Variants in TCF4 observed in about 807,000 individuals in gnomAD.
TCF4 encodes SL3-3 enhancer factor 2.
A neutral mutation model predicts 82.1 loss-of-function variants in TCF4; 3 were observed. That is an observed-to-expected ratio of 0.04 (90% CI 0.02 to 0.09). The LOEUF (loss-of-function observed/expected upper bound fraction) is 0.09, where lower values mean the gene tolerates loss of function less well. TCF4 is among the 10% of genes least tolerant of loss of function. The pLI is 1.00. For missense variants in TCF4, 518 were observed against 852.7 expected, an observed-to-expected ratio of 0.61 and a Z score of 4.89; for synonymous variants, 276 against 309.6, an observed-to-expected ratio of 0.89 and a Z score of 1.14.
intron 3 of TCF4, among the ~76,000 whole-genome samples, chr18:55,500,127 A>G (rs562412428): frequency 1.3e-5 from 2 of 152,290 alleles, no homozygotes; most frequent in East Asian, 3.9e-4. Context: ...GGCTACAGTG[A>G]GCCAAGATTG....
At chr18:55,243,252 C>T (rs188723312) in intron 15 of TCF4, among the ~76,000 whole-genome samples, 1 of 152,312 alleles carries the variant, frequency 6.6e-6, no homozygotes, top group East Asian at 1.9e-4. Flanking sequence ...TGTGTGTTAA[C>T]ATGTGTTTTC....
chr18:55,279,526 T>C (rs780889479), intron 9 of TCF4, 25 bp downstream of exon 9: 1 of 1,613,520 alleles, frequency 6.2e-7, no homozygotes, highest in Admixed American at 1.7e-5. Flanking sequence ...CAGTGGCCTT[T>C]CCCTCAGAAG....
intron 15 of TCF4, among the ~76,000 whole-genome samples, chr18:55,239,004 C>T (rs898569837): frequency 6.6e-6 from 1 of 152,156 alleles, no homozygotes; most frequent in African/African-American, 2.4e-5. Flanking sequence ...GGCGGCTTGG[C>T]CTGTCCCGTC....
chr18:55,582,870 A>C (rs2097589023), intron 3 of TCF4, among the ~76,000 whole-genome samples: 1 of 152,150 alleles, frequency 6.6e-6, no homozygotes, highest in Admixed American at 6.6e-5. Context: ...TATTAACTTG[A>C]GGTAAATTTA....
chr18:55,605,565 A>G (rs905986444), intron 2 of TCF4, among the ~76,000 whole-genome samples: 75 of 152,340 alleles, frequency 4.9e-4, no homozygotes, highest in Middle Eastern at 3.4e-3. Context: ...CAGACATTGA[A>G]CATCTATCTA....
At position 55,499,551 on chromosome 18, in the gene TCF4, A is replaced by G. The variant is rs919714271; in HGVS notation, c.146-35414T>C. On this transcript the variant is annotated intron_variant, in intron 3 of 19. Coordinates refer to ENST00000354452, the MANE Select transcript of TCF4 (RefSeq NM_001083962.2). ...CAGAAGTACTCTAACTTGACTGTACATTAGAATCAACTGGGGAGGTTTTAA... is the reference window on the plus strand; with the variant it reads ...CAGAAGTACTCTAACTTGACTGTACGTTAGAATCAACTGGGGAGGTTTTAA... 1.5e-4 allele frequency among the ~76,000 whole-genome samples: 23 copies of G among 152,218 alleles called. 1 individual carries two copies. The highest frequency in any genetic ancestry group is 1.1e-3 in the Admixed American group (17 of 15,284).
At chr18:55,556,049 TA>T (rs1366331843) in intron 3 of TCF4, among the ~76,000 whole-genome samples, 1 of 152,206 alleles carries the variant, frequency 6.6e-6, no homozygotes, top group Non-Finnish European at 1.5e-5. Context: ...ATGTCCTTAT[TA>T]ACTGCATGTG....
intron 8 of TCF4, among the ~76,000 whole-genome samples, chr18:55,291,412 G>C (rs900002757): frequency 6.6e-6 from 1 of 152,092 alleles, no homozygotes; most frequent in Non-Finnish European, 1.5e-5. Context: ...CAAGAGAATT[G>C]TTATGAACAG....
chr18:55,569,638 A>T (rs922703917), intron 3 of TCF4, among the ~76,000 whole-genome samples: 6 of 152,150 alleles, frequency 3.9e-5, no homozygotes, highest in African/African-American at 1.4e-4. Flanking sequence ...TGGTAATAAT[A>T]GAAACAGAAA....
chr18:55,241,628 T>C (rs2051262772), intron 15 of TCF4, among the ~76,000 whole-genome samples: 1 of 152,208 alleles, frequency 6.6e-6, no homozygotes, highest in African/African-American at 2.4e-5. Flanking sequence ...CCAGTCCAGG[T>C]GGCCCATCCC....
At chr18:55,438,700 C>T (rs1023397331) in intron 5 of TCF4, among the ~76,000 whole-genome samples, 3 of 152,150 alleles carry the variant, frequency 2.0e-5, no homozygotes, top group Non-Finnish European at 4.4e-5. Flanking sequence ...ACAAGGACTA[C>T]AGGACAAAAC....
At chr18:55,446,555 T>G (rs916683425) in intron 5 of TCF4, among the ~76,000 whole-genome samples, 1 of 152,200 alleles carries the variant, frequency 6.6e-6, no homozygotes, top group Non-Finnish European at 1.5e-5. Flanking sequence ...GCAAATAACC[T>G]AATCTCTCTG....
In TCF4 at chr18:55,461,133, G is replaced by C; in HGVS notation, c.208-18C>G. 1 of 1,587,644 alleles carries C rather than the reference G, an allele frequency of 6.3e-7. No individual in the cohort carries two copies. Among genetic ancestry groups the C allele is most frequent in the Non-Finnish European group, 8.6e-7 (1 of 1,158,378 alleles). ...CCATAGTTCTGTAAATAAAATGACA[G>C]TGTAAGTTATTATTTTATATTAATA... On this transcript the variant is annotated intron_variant, in intron 4 of 19. Transcript: ENST00000354452.
intron 6 of TCF4, chr18:55,351,241 T>A (rs1446597714): frequency 4.2e-6 from 2 of 480,878 alleles, no homozygotes; most frequent in South Asian, 4.5e-5. Context: ...TAAACAATAT[T>A]TTTTTAAGTC....
chr18:55,555,568 T>G lies in TCF4; in HGVS notation c.145+29712A>C, dbSNP rs2147212714. 1.3e-5 allele frequency among the ~76,000 whole-genome samples: 2 copies of G among 152,348 alleles called. 1 individual carries two copies. Among genetic ancestry groups the G allele is most frequent in the South Asian group, 4.1e-4 (2 of 4,830 alleles). ...AAAAACTATGAACATAAATACACTG[T>G]ACATAATGCATTCCCTCAACAATCT... is the stretch of plus-strand genomic sequence containing the variant. On this transcript the variant is annotated intron_variant, in intron 3 of 19. Transcript: ENST00000354452.
intron 5 of TCF4, among the ~76,000 whole-genome samples, chr18:55,414,772 T>C (rs2094469720): frequency 6.6e-6 from 1 of 152,124 alleles, no homozygotes; most frequent in Non-Finnish European, 1.5e-5. Context: ...AGTGATTTGT[T>C]CCTTTAACAT....
chr18:55,597,934 CAT>C (rs1252550336), intron 2 of TCF4, among the ~76,000 whole-genome samples: 3 of 152,122 alleles, frequency 2.0e-5, no homozygotes, highest in Non-Finnish European at 4.4e-5. Context: ...GGACACAAGA[CAT>C]TGAGCAGTTT....
At chr18:55,442,760 CA>C (rs2095461736) in intron 5 of TCF4, among the ~76,000 whole-genome samples, 1 of 152,156 alleles carries the variant, frequency 6.6e-6, no homozygotes, top group South Asian at 2.1e-4. Context: ...AACCCATATA[CA>C]AGGAAATGAC....
At chr18:55,321,548 TG>T in intron 8 of TCF4, 1 of 1,363,300 alleles carries the variant, frequency 7.3e-7, no homozygotes, top group Non-Finnish European at 1.0e-6. Flanking sequence ...AAATATTTCA[TG>T]GCACCCAGGA....
Sources: allele counts gnomAD v4.1 joint callset (sites outside exome capture counted in the v4.1 genomes callset), GRCh38; gene constraint gnomAD v4.1.1; transcripts MANE v1.5; gene names NCBI Gene and HGNC (gene_info 2026-07-23, HGNC 2026-07-21).